Variants in CLASRP observed in about 807,000 individuals in gnomAD.
The protein encoded by CLASRP is CLK4 associating serine/arginine rich protein, also known as CLK4-associating serine/arginine rich protein.
In CLASRP, 52 loss-of-function variants were observed where a neutral mutation model predicts 99.9. The ratio of observed to expected loss-of-function variants is 0.52; its 90% CI spans 0.42 to 0.66. The LOEUF (loss-of-function observed/expected upper bound fraction) is 0.66. Ranked by LOEUF, CLASRP falls within the 30% of genes least tolerant of loss-of-function variation. The probability of loss-of-function intolerance (pLI) is 0.00; values close to 1 mark genes in which losing one functional copy is unlikely to be tolerated. For synonymous variants in CLASRP, 379 were observed against 373.0 expected (o/e 1.02, Z -0.18); for missense variants, 848 against 999.2 (o/e 0.85, Z 2.04).
At chr19:45,070,711 G>C (rs1234006979) in intron 20 of CLASRP, 92 bp from the exon 21 acceptor site, 8 of 1,329,986 alleles carry the variant, frequency 6.0e-6, no homozygotes, top group Admixed American at 1.7e-5. Context: ...TCCCTCCACA[G>C]ACAAGTGCCC....
chr19:45,064,472 C>T lies in CLASRP; in HGVS notation c.1251C>T (p.Ser417=), dbSNP rs1386990215. 2.0e-6 allele frequency: 3 copies of T among 1,531,982 alleles called. No homozygotes were observed. In the Admixed American group the frequency reaches 5.9e-5, roughly 30 times the overall value. The allele number at this position is 1,531,982 out of a possible 1,614,324, so 94.9% of individuals were successfully genotyped here. ...GYYRSGRHAR[S]RSRSWSRSRS... is the part of the protein sequence containing the mutation. The stretch of plus-strand genomic sequence containing the variant: ...ACCGTTCCGGCCGCCACGCCCGCTC[C>T]CGGTCCCGCTCCTGGTCCCGCTCCC... Residue 417 remains serine, a synonymous_variant, in exon 13 of 21, where the codon TCC becomes TCT. Transcript: ENST00000221455.
At chr19:45,063,991 C>T (rs528161542) in intron 11 of CLASRP, 21 bp from the exon 12 acceptor site, 2 of 1,588,252 alleles carry the variant, frequency 1.3e-6, no homozygotes, top group Admixed American at 1.8e-5. Context: ...AGCTAGTGAG[C>T]CTCCTCCTCC....
chr19:45,064,414 C>T lies in CLASRP; in HGVS notation c.1193C>T (p.Ser398Phe), dbSNP rs1169112290. The change falls in exon 13 of 21, where the codon TCC (serine) becomes TTC (phenylalanine). Residue 398 changes from serine (S) to phenylalanine (F), a missense_variant. Coordinates refer to ENST00000221455, the MANE Select transcript of CLASRP (RefSeq NM_007056.3). ...TCCAGCTCCCGCTCCAGCTCTCGCTCCAGCTCCCGCTCTCGCCGTGGTGGG... is the reference window on the plus strand; with the variant it reads ...TCCAGCTCCCGCTCCAGCTCTCGCTTCAGCTCCCGCTCTCGCCGTGGTGGG... ...RTSSSRSSSR[S>F]SSRSRRGGGY... The T allele has an allele frequency of 6.5e-7, 1 of 1,528,818 alleles. No homozygotes were observed. The highest frequency in any genetic ancestry group is 8.8e-7 in the Non-Finnish European group (1 of 1,139,716). 94.7% of individuals were successfully genotyped at this position (1,528,818 alleles called of 1,614,324 possible).
rs778872375 is a variant in CLASRP, at chr19:45,068,804, A to G, written c.1769-262A>G. 1.2e-4 allele frequency among the ~76,000 whole-genome samples: 18 copies of G among 151,980 alleles called. 1 individual carries two copies. Among genetic ancestry groups the G allele is most frequent in the Non-Finnish European group, 2.1e-4 (14 of 67,988 alleles). On this transcript the variant is annotated intron_variant, in intron 16 of 20. Coordinates refer to ENST00000221455, the MANE Select transcript of CLASRP (RefSeq NM_007056.3). Reference sequence around the variant, plus strand: ...ACGAGGTCAGGAGATCGAGACCATTAACACGGTGAAACCCCGTCTCTCTAA... The same window carrying G: ...ACGAGGTCAGGAGATCGAGACCATTGACACGGTGAAACCCCGTCTCTCTAA...
At chr19:45,044,655 G>T (rs953775654) in intron 2 of CLASRP, among the ~76,000 whole-genome samples, 5 of 152,178 alleles carry the variant, frequency 3.3e-5, no homozygotes, top group African/African-American at 1.2e-4. Context: ...TGTGGTCCCA[G>T]CTACTTGGGA....
intron 5 of CLASRP, among the ~76,000 whole-genome samples, chr19:45,053,639 C>G (rs376896177): frequency 1.3e-5 from 2 of 152,186 alleles, no homozygotes; most frequent in South Asian, 4.2e-4. Flanking sequence ...CCACCACCCC[C>G]AGTTAGTTTT....
At chr19:45,053,357 T>C (rs182358603) in intron 5 of CLASRP, among the ~76,000 whole-genome samples, 180 bp downstream of exon 5, 7 of 152,290 alleles carry the variant, frequency 4.6e-5, no homozygotes, top group Admixed American at 4.6e-4. Flanking sequence ...AGATTTGGTA[T>C]AGGGGATGTC....
chr19:45,067,732 T>A lies in CLASRP; in HGVS notation c.1667+138T>A. 1.2e-6 allele frequency: 1 copy of A among 837,046 alleles called. No individual in the cohort carries two copies. Among genetic ancestry groups the A allele is most frequent in the Non-Finnish European group, 1.8e-6 (1 of 550,436 alleles). The allele number at this position is 837,046 out of a possible 1,614,324, so 51.9% of individuals were successfully genotyped here. ...GGTGTATGGCCCTGGCCTGGGAGGG[T>A]GGATTTCAGGGGGACACAGCCCTGG... On this transcript the variant is annotated intron_variant, in intron 14 of 20. Coordinates refer to ENST00000221455, the MANE Select transcript of CLASRP (RefSeq NM_007056.3). This position sits in a 1 kb window ranked among gnomAD's most constrained non-coding sequence, Gnocchi z 4.9.
At chr19:45,068,223 C>T in intron 15 of CLASRP, 169 bp downstream of exon 15, 1 of 677,926 alleles carries the variant, frequency 1.5e-6, no homozygotes. Flanking sequence ...CCTCTCCCCT[C>T]CTCACTGTAC....
At chr19:45,045,000 A>G (rs1166286701) in intron 2 of CLASRP, among the ~76,000 whole-genome samples, 2 of 152,222 alleles carry the variant, frequency 1.3e-5, no homozygotes, top group Admixed American at 1.3e-4. Context: ...AGCATCCGTC[A>G]GTGGCTTAAA....
chr19:45,068,320 C>A (rs1045626752), intron 15 of CLASRP, 100 bp from the exon 16 acceptor site: 163 of 622,668 alleles, frequency 2.6e-4, no homozygotes, highest in South Asian at 4.9e-4. Context: ...CTCCCCCCCC[C>A]ACCCCCCCCC....
chr19:45,044,640 G>T (rs894083554), intron 2 of CLASRP, among the ~76,000 whole-genome samples: 2 of 152,136 alleles, frequency 1.3e-5, no homozygotes, highest in Admixed American at 1.3e-4. Flanking sequence ...TTGGTGGCAT[G>T]CGCCTGTGGT....
chr19:45,050,140 T>G, intron 2 of CLASRP, among the ~76,000 whole-genome samples: 1 of 126,394 alleles, frequency 7.9e-6, no homozygotes. Context: ...TGGAGCAGAG[T>G]AGGGGAGGGA....
intron 18 of CLASRP, 145 bp from the exon 19 acceptor site, chr19:45,069,877 G>A (rs369652596): frequency 5.0e-6 from 3 of 598,090 alleles, no homozygotes; most frequent in South Asian, 2.0e-5. Context: ...TGAACCTGGG[G>A]CTCCCTTTCC....
intron 15 of CLASRP, 94 bp from the exon 16 acceptor site, chr19:45,068,326 C>A (rs574970422): frequency 5.0e-4 from 318 of 630,494 alleles, no homozygotes; most frequent in Non-Finnish European, 6.9e-4. Context: ...CCCCCACCCC[C>A]CCCCCGCACA....
chr19:45,070,138 G>C, intron 19 of CLASRP, 34 bp downstream of exon 19: 1 of 1,340,244 alleles, frequency 7.5e-7, no homozygotes. Flanking sequence ...GGGCTCTGGG[G>C]CTTTAAAGAA....
At chr19:45,042,106 C>T (rs531350853) in intron 2 of CLASRP, among the ~76,000 whole-genome samples, 2 of 152,228 alleles carry the variant, frequency 1.3e-5, no homozygotes, top group African/African-American at 4.8e-5. Flanking sequence ...ATTTTGGGGG[C>T]CAAGGCAGGT....
Position 45,060,318 on chromosome 19 carries a change from G to A in CLASRP, c.711-71G>A. On this transcript the variant is annotated intron_variant, in intron 8 of 20. Coordinates refer to ENST00000221455, the MANE Select transcript of CLASRP (RefSeq NM_007056.3). The surrounding 1 kb of genome is among the most constrained non-coding windows in gnomAD (Gnocchi z 4.6). The stretch of plus-strand genomic sequence containing the variant: ...ACTCAGGTCCCTCACTTTCTCTGAT[G>A]ACTCAGTCTGTGTCCTCCTTACCCT... 7.1e-7 allele frequency: 1 copy of A among 1,398,916 alleles called. No individual in the cohort carries two copies. 86.7% of individuals were successfully genotyped at this position (1,398,916 alleles called of 1,614,324 possible).
rs577762403 is a variant in CLASRP at position 45,060,416 on chromosome 19, A to G, written c.738A>G (p.Ala246=). The G allele has an allele frequency of 6.2e-7, 1 of 1,614,172 alleles. No individual in the cohort carries two copies. The highest frequency in any genetic ancestry group is 1.7e-5 in the Admixed American group (1 of 60,016). The change falls in exon 9 of 21, where the codon GCA becomes GCG. Residue 246 remains alanine (A), a synonymous_variant. Coordinates refer to ENST00000221455, the MANE Select transcript of CLASRP (RefSeq NM_007056.3). The surrounding 1 kb of genome is among the most constrained non-coding windows in gnomAD (Gnocchi z 4.6). The part of the protein sequence containing the change: ...VRMLRKDKEE[A]EAIKHAKALE... ...TGCTCCGGAAAGACAAGGAGGAGGC[A>G]GAGGCCATCAAGCATGCCAAGGCTC... is the stretch of plus-strand genomic sequence containing the variant.
Sources: allele counts gnomAD v4.1 joint callset (sites outside exome capture counted in the v4.1 genomes callset), GRCh38; gene constraint gnomAD v4.1.1; non-coding constraint Gnocchi (gnomAD v3.1); transcripts MANE v1.5; gene names NCBI Gene and HGNC (gene_info 2026-07-23, HGNC 2026-07-21).